GNA14: variants seen among roughly 807,000 people sequenced by gnomAD.
GNA14 encodes the protein G protein subunit alpha 14.
In GNA14, 50 loss-of-function variants were observed where a neutral mutation model predicts 42.0. The ratio of observed to expected loss-of-function variants is 1.19; its 90% CI spans 0.95 to 1.51. The LOEUF (loss-of-function observed/expected upper bound fraction) is 1.51, where lower values mean the gene tolerates loss of function less well. GNA14 is among the 40% of genes most tolerant of loss of function. The pLI, the probability that GNA14 is intolerant of heterozygous loss-of-function variation, is 0.00. For missense variants in GNA14, 473 were observed against 446.2 expected (o/e 1.06, Z -0.54); for synonymous variants, 173 against 163.1 (o/e 1.06, Z -0.46).
intron 2 of GNA14, among the ~76,000 whole-genome samples, chr9:77,465,615 G>C (rs962311793): frequency 6.6e-6 from 1 of 152,086 alleles, no homozygotes; most frequent in Non-Finnish European, 1.5e-5. Context: ...CATCACCAAT[G>C]TATGAGAGTT....
At chr9:77,482,972 GT>G (rs1243317206) in intron 2 of GNA14, among the ~76,000 whole-genome samples, 1 of 152,038 alleles carries the variant, frequency 6.6e-6, no homozygotes. Context: ...TTTTTTCAAA[GT>G]TTTTAACTTC....
chr9:77,618,593 TATATATATATATATATATATA>T (rs1823860366), intron 1 of GNA14, among the ~76,000 whole-genome samples: 2 of 15,004 alleles, frequency 1.3e-4, no homozygotes, highest in Admixed American at 4.8e-4. Context: ...TATATATATA[TATATATATATATATATATATA>T]TATATATTTT....
At chr9:77,570,007 C>T (rs1242147442) in intron 1 of GNA14, among the ~76,000 whole-genome samples, 8 of 152,028 alleles carry the variant, frequency 5.3e-5, no homozygotes, top group Non-Finnish European at 8.8e-5. Flanking sequence ...CCTCGTGATC[C>T]GCTTGCCTCG....
intron 1 of GNA14, among the ~76,000 whole-genome samples, chr9:77,633,906 T>TA (rs1033283266): frequency 6.6e-6 from 1 of 152,178 alleles, no homozygotes; most frequent in African/African-American, 2.4e-5. Context: ...CTGATTAAAG[T>TA]ACCCAGAATA....
At chr9:77,646,228 T>C (rs1290424207) in intron 1 of GNA14, among the ~76,000 whole-genome samples, 1 of 152,198 alleles carries the variant, frequency 6.6e-6, no homozygotes, top group African/African-American at 2.4e-5. Flanking sequence ...CCAAGCACTT[T>C]TACGCCCCAG....
At chr9:77,639,479 T>C (rs549666501) in intron 1 of GNA14, among the ~76,000 whole-genome samples, 2 of 152,302 alleles carry the variant, frequency 1.3e-5, no homozygotes, top group African/African-American at 4.8e-5. Flanking sequence ...CCAAAGAACA[T>C]GCTAACCGCT....
chr9:77,537,243 C>G (rs1036774043), intron 1 of GNA14, among the ~76,000 whole-genome samples: 3 of 152,054 alleles, frequency 2.0e-5, no homozygotes, highest in Non-Finnish European at 2.9e-5. Context: ...AACCACACCC[C>G]CTTCCTGGCC....
intron 2 of GNA14, among the ~76,000 whole-genome samples, chr9:77,442,447 C>T (rs901196343): frequency 7.2e-5 from 11 of 152,174 alleles, no homozygotes; most frequent in Non-Finnish European, 1.3e-4. Context: ...AAGACAGTGC[C>T]CAAGCAGATG....
intron 2 of GNA14, among the ~76,000 whole-genome samples, chr9:77,519,649 G>T (rs1837319063): frequency 6.6e-6 from 1 of 152,094 alleles, no homozygotes; most frequent in Non-Finnish European, 1.5e-5. Context: ...AGACTACGTA[G>T]GGTGGGAGGT....
intron 1 of GNA14, among the ~76,000 whole-genome samples, chr9:77,555,368 G>GAGGTGGCA (rs1452216671): frequency 6.6e-6 from 1 of 152,148 alleles, no homozygotes; most frequent in Non-Finnish European, 1.5e-5. Context: ...TTAGCTGGGC[G>GAGGTGGCA]TGGTGGCATG....
intron 1 of GNA14, among the ~76,000 whole-genome samples, chr9:77,597,173 G>A (rs1249076186): frequency 6.6e-6 from 1 of 152,186 alleles, no homozygotes; most frequent in Non-Finnish European, 1.5e-5. Flanking sequence ...TGTCAAGCCT[G>A]GTGGAGTTTG....
rs577167152 is a variant in GNA14, at chr9:77,539,582, G to A, written c.125-10329C>T. Among the ~76,000 whole-genome samples, 16 of 152,258 alleles carry A rather than the reference G, an allele frequency of 1.1e-4. No homozygotes were observed. In the South Asian group the frequency reaches 2.7e-3, roughly 26 times the overall value. On this transcript the variant is annotated intron_variant, in intron 1 of 6. Coordinates refer to ENST00000341700, the MANE Select transcript of GNA14 (RefSeq NM_004297.4). ...TTTTGGAATAGTTTCAGGAAGATTG[G>A]TATTAGTTCTTCATTATACATTTGG...
intron 3 of GNA14, among the ~76,000 whole-genome samples, chr9:77,433,552 G>A (rs2025844): frequency 0.36 from 54,059 of 151,514 alleles, 10,133 homozygotes; most frequent in African/African-American, 0.47. Flanking sequence ...TTGCAGAGAC[G>A]AGGTCTTGCT....
chr9:77,467,195 G>T (rs1836250542), intron 2 of GNA14, among the ~76,000 whole-genome samples: 2 of 151,976 alleles, frequency 1.3e-5, no homozygotes, highest in Admixed American at 6.6e-5. Context: ...AGATCACCAG[G>T]ATGAGTGTAA....
chr9:77,500,187 T>C (rs1418339621), intron 2 of GNA14, among the ~76,000 whole-genome samples: 5 of 152,122 alleles, frequency 3.3e-5, no homozygotes, highest in African/African-American at 1.2e-4. Flanking sequence ...CACTCCTGGC[T>C]ACTTTTTTTC....
At chr9:77,560,464 GT>G (rs980500154) in intron 1 of GNA14, among the ~76,000 whole-genome samples, 2 of 151,730 alleles carry the variant, frequency 1.3e-5, no homozygotes, top group African/African-American at 4.8e-5. Context: ...TAATTATGTT[GT>G]TTTTTGTTTG....
At chr9:77,580,396 C>A (rs1369374732) in intron 1 of GNA14, 1 of 310,242 alleles carries the variant, frequency 3.2e-6, no homozygotes, top group East Asian at 7.5e-5. Flanking sequence ...GGGAAAGCTG[C>A]CATTGTGGAG....
chr9:77,508,632 C>T (rs1236662202), intron 2 of GNA14, among the ~76,000 whole-genome samples: 1 of 152,148 alleles, frequency 6.6e-6, no homozygotes, highest in African/African-American at 2.4e-5. Flanking sequence ...GGGTGAGAAG[C>T]ATGTAACAAC....
chr9:77,533,178 C>CAT (rs1324688574), intron 1 of GNA14, among the ~76,000 whole-genome samples: 3 of 151,786 alleles, frequency 2.0e-5, no homozygotes, highest in South Asian at 4.2e-4. Flanking sequence ...CTTTCAGCAC[C>CAT]ATATATATAT....
Sources: gnomAD v4.1 joint callset for allele counts (sites outside exome capture counted in the v4.1 genomes callset) on GRCh38, gnomAD v4.1.1 for gene constraint, MANE v1.5 for transcripts, NCBI Gene and HGNC (gene_info 2026-07-23, HGNC 2026-07-21) for gene names.